SKA2: variants seen among roughly 807,000 people sequenced by gnomAD.
SKA2 encodes the protein spindle and kinetochore associated complex subunit 2.
A neutral mutation model predicts 16.9 loss-of-function variants in SKA2; 13 were observed. That is an observed-to-expected ratio of 0.77 (90% CI 0.50 to 1.22). The LOEUF (loss-of-function observed/expected upper bound fraction) is 1.22, where lower values mean the gene tolerates loss of function less well. SKA2 is among the 50% of genes most tolerant of loss of function. The probability of loss-of-function intolerance (pLI) is 0.00; values close to 1 mark genes in which losing one functional copy is unlikely to be tolerated. For missense variants in SKA2, 107 were observed against 139.7 expected (o/e 0.77, Z 1.18); for synonymous variants, 47 against 48.5 (o/e 0.97, Z 0.13).
chr17:59,117,958 A>G (rs946471431), intron 3 of SKA2: 1 of 152,230 alleles, frequency 6.6e-6, no homozygotes, highest in Non-Finnish European at 1.5e-5. Context: ...ACAGATACTC[A>G]GATGACTGAA....
intron 1 of SKA2, among the ~76,000 whole-genome samples, chr17:59,154,573 T>G (rs2046606598): frequency 6.6e-6 from 1 of 152,138 alleles, no homozygotes; most frequent in African/African-American, 2.4e-5. Flanking sequence ...GTTTGCCACC[T>G]CCGGATCAAA....
intron 1 of SKA2, among the ~76,000 whole-genome samples, chr17:59,140,054 T>C (rs759518421): frequency 3.3e-5 from 5 of 152,184 alleles, no homozygotes; most frequent in African/African-American, 4.8e-5. Context: ...GGAGAAAGTA[T>C]TGACTATTAC....
rs116712783 is a variant in SKA2, at chr17:59,114,767, G to A, written c.298-2422C>T. ...CAGAGCACCAACAAACAGGCTGGCT[G>A]AAACAAAGGGTTATGTGGGGAATTA... is the stretch of plus-strand genomic sequence containing the variant. On this transcript the variant is annotated intron_variant, in intron 3 of 3. Transcript: ENST00000330137. Among the ~76,000 whole-genome samples, 1,035 of 152,260 alleles carry A rather than the reference G, an allele frequency of 6.8e-3. 12 individuals carry two copies. The highest frequency in any genetic ancestry group is 0.023 in the African/African-American group (956 of 41,556).
chr17:59,141,296 C>A (rs184953195), intron 1 of SKA2, among the ~76,000 whole-genome samples: 1 of 152,212 alleles, frequency 6.6e-6, no homozygotes, highest in Admixed American at 6.5e-5. Context: ...ACTAGGGAGG[C>A]TGAGGCAGGA....
At chr17:59,116,954 T>C (rs1001481900) in intron 3 of SKA2, among the ~76,000 whole-genome samples, 6 of 151,536 alleles carry the variant, frequency 4.0e-5, no homozygotes, top group Non-Finnish European at 5.9e-5. Context: ...TAGCTGGTAC[T>C]ACAGGCGTGC....
Position 59,154,958 on chromosome 17 carries a change from G to A in SKA2, c.33+173C>T. 1.2e-6 allele frequency: 2 copies of A among 1,613,894 alleles called. No individual in the cohort carries two copies. Among genetic ancestry groups the A allele is most frequent in the Non-Finnish European group, 1.7e-6 (2 of 1,179,808 alleles). ...GTTTCCCGGATGTAACCCCTTACCCGAGGCGGTTTAGACACCAGACGGTGG... is the reference window on the plus strand; with the variant it reads ...GTTTCCCGGATGTAACCCCTTACCCAAGGCGGTTTAGACACCAGACGGTGG... On this transcript the variant is annotated intron_variant, in intron 1 of 3. Coordinates refer to ENST00000330137, the MANE Select transcript of SKA2 (RefSeq NM_182620.4).
At chr17:59,152,950 T>C (rs2046588497) in intron 1 of SKA2, among the ~76,000 whole-genome samples, 1 of 152,114 alleles carries the variant, frequency 6.6e-6, no homozygotes, top group African/African-American at 2.4e-5. Context: ...AAAAAGAATT[T>C]AAATACTACC....
chr17:59,141,982 C>T (rs1351468110), intron 1 of SKA2, among the ~76,000 whole-genome samples: 2 of 151,990 alleles, frequency 1.3e-5, no homozygotes, highest in Non-Finnish European at 2.9e-5. Context: ...CTAGAGGAAA[C>T]ATAAGAGTAA....
rs142179056 is a variant in SKA2 at position 59,125,031 on chromosome 17, T to C, written c.121-5536A>G. Among the ~76,000 whole-genome samples the C allele has an allele frequency of 5.5e-3, 836 of 150,980 alleles. 12 individuals are homozygous for C. The highest frequency in any genetic ancestry group is 0.02 in the African/African-American group (808 of 41,176). On this transcript the variant is annotated intron_variant, in intron 2 of 3. Transcript: ENST00000330137. ...TCTTGTTTCCCAGGCTGGAGTGCAA[T>C]GGCGGGATCTCAGCTCACCGCAACT...
intron 2 of SKA2, among the ~76,000 whole-genome samples, chr17:59,126,886 C>T (rs937737409): frequency 3.9e-5 from 6 of 151,976 alleles, no homozygotes; most frequent in Non-Finnish European, 8.8e-5. Flanking sequence ...ACAGATGAAT[C>T]GATAAACAAA....
chr17:59,112,669 G>C (rs554558510), intron 3 of SKA2, among the ~76,000 whole-genome samples: 2 of 152,266 alleles, frequency 1.3e-5, no homozygotes, highest in African/African-American at 4.8e-5. Context: ...GTATCTGTGG[G>C]AGATTGATTC....
intron 2 of SKA2, among the ~76,000 whole-genome samples, chr17:59,122,699 A>G (rs2046343344): frequency 6.6e-6 from 1 of 152,124 alleles, no homozygotes; most frequent in East Asian, 1.9e-4. Flanking sequence ...CTAAGCAGGG[A>G]GGATCACTTG....
At chr17:59,139,319 C>T (rs1000888218) in intron 1 of SKA2, among the ~76,000 whole-genome samples, 3 of 150,494 alleles carry the variant, frequency 2.0e-5, no homozygotes, top group African/African-American at 7.4e-5. Flanking sequence ...ATGGCATAAA[C>T]CTGGGAGGCA....
intron 1 of SKA2, among the ~76,000 whole-genome samples, chr17:59,136,739 G>A (rs1156899922): frequency 6.6e-6 from 1 of 151,908 alleles, no homozygotes; most frequent in Non-Finnish European, 1.5e-5. Context: ...AGTACAGACA[G>A]GGTTTCACCA....
At chr17:59,146,806 A>G (rs1314166352) in intron 1 of SKA2, among the ~76,000 whole-genome samples, 3 of 152,126 alleles carry the variant, frequency 2.0e-5, no homozygotes, top group Admixed American at 2.0e-4. Context: ...CTGGGACTAC[A>G]GGCACCTGTC....
chr17:59,135,409 C>T (rs911920048), intron 1 of SKA2, among the ~76,000 whole-genome samples: 13 of 150,802 alleles, frequency 8.6e-5, no homozygotes, highest in Admixed American at 6.6e-4. Context: ...CTCCACCTCC[C>T]GGGTTCAGGC....
At chr17:59,130,457 C>CAAAAAAA (rs569934567) in intron 2 of SKA2, among the ~76,000 whole-genome samples, 19 of 70,390 alleles carry the variant, frequency 2.7e-4, no homozygotes, top group African/African-American at 4.2e-4. Context: ...ACTAAAAATA[C>CAAAAAAA]AAAAAAAAAA....
chr17:59,140,232 CT>C (rs564550353), intron 1 of SKA2, among the ~76,000 whole-genome samples: 520 of 142,882 alleles, frequency 3.6e-3, no homozygotes, highest in Non-Finnish European at 3.3e-3. Flanking sequence ...AATCTGCAAG[CT>C]TTTTTTTTTT....
chr17:59,154,364 G>A (rs1376503777), intron 1 of SKA2, among the ~76,000 whole-genome samples: 3 of 152,134 alleles, frequency 2.0e-5, no homozygotes, highest in African/African-American at 7.2e-5. Context: ...CCCCAGCTGG[G>A]CGCCCCCCGA....
Sources: allele counts gnomAD v4.1 joint callset (sites outside exome capture counted in the v4.1 genomes callset), GRCh38; gene constraint gnomAD v4.1.1; transcripts MANE v1.5; gene names NCBI Gene and HGNC (gene_info 2026-07-23, HGNC 2026-07-21).